CD6: variants seen among roughly 807,000 people sequenced by gnomAD.
CD6 encodes the protein T-cell differentiation antigen CD6.
A neutral mutation model predicts 75.3 loss-of-function variants in CD6; 53 were observed. The observed-to-expected ratio is 0.70, with a 90% confidence interval of 0.56 to 0.88. CD6 has a LOEUF of 0.88. CD6 is among the 40% of genes least tolerant of loss of function. The pLI, the probability that CD6 is intolerant of heterozygous loss-of-function variation, is 0.00. For missense variants in CD6, 770 were observed against 897.1 expected, an observed-to-expected ratio of 0.86 and a Z score of 1.81; for synonymous variants, 359 against 381.5, an observed-to-expected ratio of 0.94 and a Z score of 0.69.
intron 1 of CD6, among the ~76,000 whole-genome samples, chr11:60,992,866 A>G (rs1185694635): frequency 6.6e-6 from 1 of 151,922 alleles, no homozygotes; most frequent in Non-Finnish European, 1.5e-5. Context: ...AATTAAAATA[A>G]ATAAATAAAT....
At chr11:60,991,400 G>A (rs1590687112) in intron 1 of CD6, among the ~76,000 whole-genome samples, 1 of 152,060 alleles carries the variant, frequency 6.6e-6, no homozygotes, top group African/African-American at 2.4e-5. Context: ...TGATACACCC[G>A]CCTCAGCCTC....
chr11:61,017,878 T>G lies in CD6; in HGVS notation c.1702T>G (p.Ser568Ala). ...PRSNSESSTSSGEDYCNSPKS... is the reference protein window; with the variant it reads ...PRSNSESSTSAGEDYCNSPKS... ...GAGCAACAGTGAGTCGAGCACCTCT[T>G]CAGGGGAGGATTACTGCAATAGTCC... is the stretch of plus-strand genomic sequence containing the variant. The change falls in exon 11 of 13, where the codon TCA becomes GCA. Residue 568 changes from serine to alanine, a missense_variant. By Grantham distance (99) the Ser-to-Ala change is moderately conservative (BLOSUM62 1). Coordinates refer to ENST00000313421, the MANE Select transcript of CD6 (RefSeq NM_006725.5). 6.2e-7 allele frequency: 1 copy of G among 1,614,088 alleles called. No individual in the cohort carries two copies. Among genetic ancestry groups the G allele is most frequent in the Non-Finnish European group, 8.5e-7 (1 of 1,180,016 alleles).
intron 1 of CD6, among the ~76,000 whole-genome samples, chr11:60,975,916 T>A (rs1205157523): frequency 2.0e-5 from 3 of 152,250 alleles, no homozygotes; most frequent in Non-Finnish European, 4.4e-5. Flanking sequence ...TTTATAAATA[T>A]GATGAATTCC....
In CD6 at chr11:61,013,989, G is replaced by C. The variant is rs376880399; in HGVS notation, c.1362G>C (p.Pro454=). The C allele has an allele frequency of 6.2e-7, 1 of 1,613,322 alleles. No individual in the cohort carries two copies. Among genetic ancestry groups the C allele is most frequent in the South Asian group, 1.1e-5 (1 of 90,938 alleles). Residue 454 remains proline, a synonymous_variant, in exon 8 of 13, where the codon CCG becomes CCC. Transcript: ENST00000313421. ...CGGCAGGGAGCAATAGCTATCAACCGGTCCCCATCACCATCCCCAAAGAAG... is the reference window on the plus strand; with the variant it reads ...CGGCAGGGAGCAATAGCTATCAACCCGTCCCCATCACCATCCCCAAAGAAG... ...TIPAGSNSYQ[P]VPITIPKEVF...
chr11:61,019,129 A>G, intron 12 of CD6, 125 bp from the exon 13 acceptor site: 1 of 655,530 alleles, frequency 1.5e-6, no homozygotes, highest in Non-Finnish European at 2.7e-6. Flanking sequence ...AAGCAAGATG[A>G]TCAGATGGCT....
At chr11:60,997,085 TA>T (rs1369985491) in intron 1 of CD6, among the ~76,000 whole-genome samples, 3 of 152,146 alleles carry the variant, frequency 2.0e-5, no homozygotes, top group African/African-American at 7.2e-5. Flanking sequence ...TTTATAATTT[TA>T]AATTTTTGGC....
chr11:61,008,470 C>T (rs1295147208), intron 3 of CD6, 64 bp from the exon 4 acceptor site: 6 of 1,436,588 alleles, frequency 4.2e-6, no homozygotes, highest in South Asian at 1.4e-5. Context: ...CCAGTCCAAC[C>T]ATCACCCCAA....
rs539188881 is a variant in CD6 at position 60,982,097 on chromosome 11, G to A, written c.49+10183G>A. On this transcript the variant is annotated intron_variant, in intron 1 of 12. Transcript: ENST00000313421. ...GGGGGGGGTTCTGTGCATGGGGCTGGGGACAGCAGATGCCCGGGTGGGGGG... is the reference window on the plus strand; with the variant it reads ...GGGGGGGGTTCTGTGCATGGGGCTGAGGACAGCAGATGCCCGGGTGGGGGG... 2.9e-3 allele frequency among the ~76,000 whole-genome samples: 393 copies of A among 134,936 alleles called. 12 individuals carry two copies. Among genetic ancestry groups the A allele is most frequent in the African/African-American group, 0.01 (366 of 36,566 alleles). The allele number at this position is 134,936 out of a possible 152,430, so 88.5% of individuals were successfully genotyped here.
Position 61,019,826 on chromosome 11 carries a change from TG to T in CD6, c.*515del, listed in dbSNP as rs994402345. 19 of 212,700 alleles carry T rather than the reference TG, an allele frequency of 8.9e-5. No individual in the cohort carries two copies. Among genetic ancestry groups the T allele is most frequent in the East Asian group, 3.1e-4 (3 of 9,688 alleles). The allele number at this position is 212,700 out of a possible 1,614,324, so 13.2% of individuals were successfully genotyped here. On this transcript the variant is annotated 3_prime_UTR_variant, in exon 13 of 13. Transcript: ENST00000313421. ...GCTGTTGTCACTGATCGGTGGGCGC[TG>T]GGGGGGTAGGGTAGCACACCAGCTG... is the stretch of plus-strand genomic sequence containing the variant.
intron 4 of CD6, among the ~76,000 whole-genome samples, 179 bp from the exon 5 acceptor site, chr11:61,009,393 A>G (rs947895444): frequency 1.3e-5 from 2 of 152,258 alleles, no homozygotes; most frequent in Non-Finnish European, 2.9e-5. Flanking sequence ...CACTTATCAC[A>G]GCAGGGTTGG....
rs1439370986 is a variant in CD6 at position 61,008,751 on chromosome 11, C to A, written c.687C>A (p.Asn229Lys). 1.2e-6 allele frequency: 2 copies of A among 1,606,556 alleles called. No homozygotes were observed. The highest frequency in any genetic ancestry group is 1.7e-6 in the Non-Finnish European group (2 of 1,175,656). Residue 229 changes from asparagine to lysine, a missense_variant, in exon 4 of 13, where the codon AAC (asparagine) becomes AAA (lysine). Physicochemically the swap from Asn to Lys is moderately conservative, Grantham distance 94. Coordinates refer to ENST00000313421, the MANE Select transcript of CD6 (RefSeq NM_006725.5). The stretch of plus-strand genomic sequence containing the variant: ...GGCCTATCCACCGGGACCAGGTGAA[C>A]TGCTCGGGGGCCGAAGCTTACCTGT... ...GRGPIHRDQV[N>K]CSGAEAYLWD...
intron 1 of CD6, among the ~76,000 whole-genome samples, chr11:60,978,405 C>A (rs774830239): frequency 2.6e-5 from 4 of 152,138 alleles, no homozygotes; most frequent in Non-Finnish European, 5.9e-5. Flanking sequence ...TGATTCCGCT[C>A]TGGGAATCTA....
At chr11:60,988,612 A>G (rs1263335246) in intron 1 of CD6, among the ~76,000 whole-genome samples, 1 of 152,174 alleles carries the variant, frequency 6.6e-6, no homozygotes, top group African/African-American at 2.4e-5. Flanking sequence ...AGCCCAGCCT[A>G]CACTCCCACC....
At chr11:61,009,895 C>T in intron 5 of CD6, 21 bp downstream of exon 5, 7 of 1,521,360 alleles carry the variant, frequency 4.6e-6, no homozygotes, top group Non-Finnish European at 6.2e-6. Flanking sequence ...CTACTCCACC[C>T]CCCCAGATTT....
chr11:61,018,510 G>GGAGAA, intron 12 of CD6, 117 bp downstream of exon 12: 1 of 797,854 alleles, frequency 1.3e-6, no homozygotes, highest in Non-Finnish European at 2.0e-6. Flanking sequence ...AAGGGTAAAA[G>GGAGAA]AAGAGAGGGA....
chr11:61,010,032 G>A (rs1375273985), intron 5 of CD6, among the ~76,000 whole-genome samples, 158 bp downstream of exon 5: 1 of 152,228 alleles, frequency 6.6e-6, no homozygotes, highest in African/African-American at 2.4e-5. Flanking sequence ...CAGGCAGACA[G>A]TGCTAATTCA....
chr11:61,018,627 C>T (rs188045526), intron 12 of CD6: 203 of 528,066 alleles, frequency 3.8e-4, no homozygotes, highest in African/African-American at 3.3e-3. Flanking sequence ...CGACTAGCCC[C>T]GGGAACATAG....
intron 1 of CD6, among the ~76,000 whole-genome samples, chr11:60,994,672 T>C (rs1032447485): frequency 4.6e-5 from 7 of 152,082 alleles, no homozygotes; most frequent in Non-Finnish European, 7.4e-5. Context: ...TCTCTTTCTC[T>C]CTCAAGAAAA....
intron 7 of CD6, 118 bp downstream of exon 7, chr11:61,013,681 C>T: frequency 8.6e-7 from 1 of 1,167,350 alleles, no homozygotes; most frequent in East Asian, 2.4e-5. Context: ...GGGGAGATCC[C>T]CAAGGTGGAA....
Sources: gnomAD v4.1 joint callset for allele counts (sites outside exome capture counted in the v4.1 genomes callset) on GRCh38, gnomAD v4.1.1 for gene constraint, MANE v1.5 for transcripts, NCBI Gene and HGNC (gene_info 2026-07-23, HGNC 2026-07-21) for gene names.